Variants in SCFD2 observed in about 807,000 individuals in gnomAD.
SCFD2 encodes sec1 family domain containing 2, also known as sec1 family domain-containing protein 2.
In SCFD2, 54 loss-of-function variants were observed where a neutral mutation model predicts 58.9. The ratio of observed to expected loss-of-function variants is 0.92; its 90% CI spans 0.74 to 1.15. The LOEUF (loss-of-function observed/expected upper bound fraction) is 1.15. SCFD2 is among the 50% of genes most tolerant of loss of function. SCFD2 has a pLI of 0.00. For synonymous variants in SCFD2, 321 were observed against 335.9 expected (o/e 0.96, Z 0.49); for missense variants, 805 against 836.6 (o/e 0.96, Z 0.47).
intron 4 of SCFD2, among the ~76,000 whole-genome samples, chr4:53,238,408 C>A (rs1460545729): frequency 7.0e-6 from 1 of 143,548 alleles, no homozygotes; most frequent in African/African-American, 2.6e-5. Flanking sequence ...GGGGGCTGAC[C>A]CCCCTACCTC....
chr4:53,130,600 A>C (rs1203771050), intron 5 of SCFD2, among the ~76,000 whole-genome samples: 1 of 152,026 alleles, frequency 6.6e-6, no homozygotes, highest in Non-Finnish European at 1.5e-5. Context: ...CTCTACACAC[A>C]CACAGTTATG....
chr4:53,166,473 GA>G (rs1312575987), intron 4 of SCFD2, among the ~76,000 whole-genome samples: 1 of 152,098 alleles, frequency 6.6e-6, no homozygotes, highest in Non-Finnish European at 1.5e-5. Flanking sequence ...TCATGTGTTT[GA>G]AATGGACCTG....
chr4:53,205,195 T>C (rs1273849678), intron 4 of SCFD2, among the ~76,000 whole-genome samples: 1 of 152,066 alleles, frequency 6.6e-6, no homozygotes, highest in Non-Finnish European at 1.5e-5. Context: ...AACTGTGCAC[T>C]ACACATATAA....
At chr4:53,007,186 G>A (rs930589603) in intron 5 of SCFD2, among the ~76,000 whole-genome samples, 3 of 151,598 alleles carry the variant, frequency 2.0e-5, no homozygotes, top group African/African-American at 4.9e-5. Context: ...AAGGCTGAGG[G>A]GAGGATTGCT....
At chr4:52,969,605 T>C (rs1315000017) in intron 5 of SCFD2, among the ~76,000 whole-genome samples, 1 of 152,160 alleles carries the variant, frequency 6.6e-6, no homozygotes, top group Non-Finnish European at 1.5e-5. Flanking sequence ...GACAGGACTC[T>C]TAAGAGGCTG....
intron 4 of SCFD2, among the ~76,000 whole-genome samples, chr4:53,265,801 G>T (rs1360753663): frequency 1.3e-5 from 2 of 151,912 alleles, no homozygotes; most frequent in Non-Finnish European, 2.9e-5. Flanking sequence ...ATGCAGTGAC[G>T]CAATTACGGC....
intron 8 of SCFD2, among the ~76,000 whole-genome samples, chr4:52,883,360 T>C (rs539863300): frequency 1.3e-5 from 2 of 152,354 alleles, no homozygotes; most frequent in East Asian, 3.9e-4. Flanking sequence ...GACTTCATGA[T>C]AAAGAATGCC....
intron 4 of SCFD2, among the ~76,000 whole-genome samples, chr4:53,236,984 C>G (rs71597826): frequency 1.3e-3 from 196 of 150,750 alleles, no homozygotes; most frequent in Non-Finnish European, 2.5e-3. Context: ...GAGGACCCTG[C>G]GGCCTTCCGC....
intron 5 of SCFD2, among the ~76,000 whole-genome samples, chr4:53,093,617 A>G (rs1349075708): frequency 1.3e-5 from 2 of 152,198 alleles, no homozygotes; most frequent in African/African-American, 4.8e-5. Context: ...GAATACCCAT[A>G]CAACAGAATA....
chr4:52,992,945 G>A (rs1476296575), intron 5 of SCFD2, among the ~76,000 whole-genome samples: 7 of 152,022 alleles, frequency 4.6e-5, no homozygotes, highest in Non-Finnish European at 7.4e-5. Flanking sequence ...CGGTTTTGTC[G>A]AATAGAAAAG....
At chr4:53,306,671 T>C (rs1332477693) in intron 3 of SCFD2, among the ~76,000 whole-genome samples, 6 of 152,268 alleles carry the variant, frequency 3.9e-5, no homozygotes, top group Admixed American at 1.3e-4. Flanking sequence ...ATGTACACTA[T>C]CTAGCAAGGT....
rs375596002 is a variant in SCFD2, at chr4:53,329,499, C to T, written c.1008-15736G>A. 1.3e-4 allele frequency among the ~76,000 whole-genome samples: 20 copies of T among 149,858 alleles called. No homozygotes were observed. In the East Asian group the frequency reaches 3.0e-3, roughly 22 times the overall value. On this transcript the variant is annotated intron_variant, in intron 2 of 8. Transcript: ENST00000401642. ...AGCAGGGGCACACTGACACCTCACA[C>T]GGCAGGGTATTCCAACAGACCTGCA...
At chr4:53,044,489 A>C (rs1722976997) in intron 5 of SCFD2, among the ~76,000 whole-genome samples, 2 of 146,032 alleles carry the variant, frequency 1.4e-5, no homozygotes, top group Non-Finnish European at 1.5e-5. Context: ...CTTTACAGGA[A>C]CTTCCTTCCT....
intron 3 of SCFD2, among the ~76,000 whole-genome samples, chr4:53,289,170 GC>G (rs931665344): frequency 5.4e-4 from 82 of 152,148 alleles, no homozygotes; most frequent in African/African-American, 1.9e-3. Flanking sequence ...TTTGAGACCA[GC>G]CTGACCAACA....
chr4:53,233,609 T>A (rs1041223101), intron 4 of SCFD2, among the ~76,000 whole-genome samples: 1 of 152,186 alleles, frequency 6.6e-6, no homozygotes, highest in African/African-American at 2.4e-5. Flanking sequence ...TATATTCGAC[T>A]CTCATTTTCT....
intron 2 of SCFD2, among the ~76,000 whole-genome samples, chr4:53,327,188 C>A (rs989175049): frequency 6.6e-6 from 1 of 151,490 alleles, no homozygotes; most frequent in African/African-American, 2.4e-5. Context: ...GGTTGGTAGC[C>A]GAATACAAGG....
At chr4:53,163,982 T>C (rs927724119) in intron 4 of SCFD2, among the ~76,000 whole-genome samples, 10 of 152,174 alleles carry the variant, frequency 6.6e-5, no homozygotes, top group African/African-American at 2.2e-4. Flanking sequence ...TATGAAAGGC[T>C]GTAACTGAAG....
chr4:52,986,341 CTAA>C (rs1256695739), intron 5 of SCFD2, among the ~76,000 whole-genome samples: 1 of 151,978 alleles, frequency 6.6e-6, no homozygotes, highest in Non-Finnish European at 1.5e-5. Context: ...ACGTTTGTGG[CTAA>C]TAATGACGGT....
At chr4:53,303,610 C>T (rs1732409722) in intron 3 of SCFD2, among the ~76,000 whole-genome samples, 2 of 151,906 alleles carry the variant, frequency 1.3e-5, no homozygotes, top group Non-Finnish European at 2.9e-5. Context: ...GTGTATATAC[C>T]CAAAGGATTA....
Sources: gnomAD v4.1 joint callset for allele counts (sites outside exome capture counted in the v4.1 genomes callset) on GRCh38, gnomAD v4.1.1 for gene constraint, MANE v1.5 for transcripts, NCBI Gene and HGNC (gene_info 2026-07-23, HGNC 2026-07-21) for gene names.